The following CYRIB variants were observed in gnomAD, a reference collection of about 807,000 sequenced individuals.
The protein encoded by CYRIB is CYFIP related Rac1 interactor B.
A neutral mutation model predicts 44.2 loss-of-function variants in CYRIB; 8 were observed. The observed-to-expected ratio is 0.18, with a 90% CI of 0.11 to 0.33. CYRIB has a LOEUF of 0.33. Among genes scored for constraint, CYRIB ranks in the 10% least tolerant of loss-of-function variants. The pLI is 1.00. For synonymous variants in CYRIB, 131 were observed against 127.2 expected, an observed-to-expected ratio of 1.03 and a Z score of -0.20; for missense variants, 185 against 382.8, an observed-to-expected ratio of 0.48 and a Z score of 4.31.
intron 6 of CYRIB, among the ~76,000 whole-genome samples, chr8:129,854,828 C>CT (rs2045316568): frequency 6.6e-6 from 1 of 152,202 alleles, no homozygotes; most frequent in Admixed American, 6.5e-5. Context: ...CGTCTCATGA[C>CT]TAGGGTTACT....
intron 1 of CYRIB, among the ~76,000 whole-genome samples, chr8:129,929,792 T>C (rs900036524): frequency 2.0e-5 from 3 of 152,222 alleles, no homozygotes; most frequent in Non-Finnish European, 2.9e-5. Context: ...AGACTTTATG[T>C]GCAATGTAAC....
chr8:129,980,536 C>T (rs140592611), intron 1 of CYRIB, among the ~76,000 whole-genome samples: 2 of 151,972 alleles, frequency 1.3e-5, no homozygotes, highest in Non-Finnish European at 1.5e-5. Context: ...TGGTGGCTCA[C>T]GCCTGTAATC....
At chr8:129,960,967 A>G (rs1380735462) in intron 2 of CYRIB, among the ~76,000 whole-genome samples, 1 of 144,788 alleles carries the variant, frequency 6.9e-6, no homozygotes, top group Non-Finnish European at 1.5e-5. Context: ...AAAAAAAAAG[A>G]AAGAAAGAAA....
chr8:129,996,961 C>T (rs576476249), intron 1 of CYRIB, among the ~76,000 whole-genome samples: 33 of 151,482 alleles, frequency 2.2e-4, no homozygotes, highest in Admixed American at 3.3e-4. Context: ...AATATACCAG[C>T]GTGAACACAG....
At chr8:129,966,512 T>C (rs1203605802) in intron 2 of CYRIB, among the ~76,000 whole-genome samples, 2 of 152,126 alleles carry the variant, frequency 1.3e-5, no homozygotes, top group Admixed American at 6.5e-5. Context: ...TGTGATATCA[T>C]TAATGACATG....
At chr8:129,877,663 G>GTGTGTGTGTGT (rs3222125) in intron 3 of CYRIB, among the ~76,000 whole-genome samples, 1,940 of 130,308 alleles carry the variant, frequency 0.015, 30 homozygotes, top group African/African-American at 0.039. Context: ...AAAAAAAAAA[G>GTGTGTGTGTGT]GTGTGTGTGT....
chr8:129,911,339 G>A lies in CYRIB; in HGVS notation c.-49-7989C>T, dbSNP rs115153599. Among the ~76,000 whole-genome samples, 561 of 152,214 alleles carry A rather than the reference G, an allele frequency of 3.7e-3. 1 individual carries two copies. Among genetic ancestry groups the A allele is most frequent in the African/African-American group, 0.013 (539 of 41,526 alleles). ...AGGGTAAGGAATTGGGAAAAGGAGC[G>A]GAAGGGACAGAAATGAGGAAGGGAA... On this transcript the variant is annotated intron_variant, in intron 1 of 11. Coordinates refer to ENST00000519824, the Ensembl canonical transcript of CYRIB.
chr8:129,898,657 C>T (rs1346223634), intron 2 of CYRIB, among the ~76,000 whole-genome samples: 1 of 152,128 alleles, frequency 6.6e-6, no homozygotes, highest in African/African-American at 2.4e-5. Flanking sequence ...AAATCTATCT[C>T]CTCCAGGCTT....
intron 4 of CYRIB, among the ~76,000 whole-genome samples, chr8:129,866,595 C>T (rs1444805324): frequency 6.6e-6 from 1 of 152,016 alleles, no homozygotes; most frequent in Non-Finnish European, 1.5e-5. Flanking sequence ...ACAGTAACAA[C>T]AACAAAAAAG....
At chr8:129,978,661 A>G (rs2096067882) in intron 1 of CYRIB, among the ~76,000 whole-genome samples, 1 of 152,138 alleles carries the variant, frequency 6.6e-6, no homozygotes, top group Non-Finnish European at 1.5e-5. Context: ...AATGTGTGTT[A>G]TTATTATTAT....
At chr8:130,004,761 A>ATTTTTTT (rs775327457) in intron 1 of CYRIB, among the ~76,000 whole-genome samples, 3 of 123,882 alleles carry the variant, frequency 2.4e-5, no homozygotes, top group Non-Finnish European at 5.1e-5. Flanking sequence ...ATTGTCAGGA[A>ATTTTTTT]TTTTTTTTTT....
chr8:129,859,445 A>G (rs2048108268), intron 5 of CYRIB, among the ~76,000 whole-genome samples: 1 of 152,044 alleles, frequency 6.6e-6, no homozygotes, highest in South Asian at 2.1e-4. Context: ...GAGGTGGAGG[A>G]GCAGAGTCTT....
intron 1 of CYRIB, among the ~76,000 whole-genome samples, chr8:129,907,822 C>T (rs369128840): frequency 3.3e-5 from 5 of 151,886 alleles, no homozygotes; most frequent in East Asian, 1.9e-4. Flanking sequence ...GCCAACATGG[C>T]GAAACCCCAT....
At chr8:129,986,119 T>C (rs1176710528) in intron 1 of CYRIB, among the ~76,000 whole-genome samples, 1 of 152,172 alleles carries the variant, frequency 6.6e-6, no homozygotes, top group Non-Finnish European at 1.5e-5. Flanking sequence ...TGCCCGAGGT[T>C]AAATATTCTG....
intron 11 of CYRIB, among the ~76,000 whole-genome samples, chr8:129,845,207 C>T (rs2131070349): frequency 6.6e-6 from 1 of 152,304 alleles, no homozygotes; most frequent in African/African-American, 2.4e-5. Context: ...GTTAGGCATA[C>T]TACCTTCAAG....
At chr8:129,848,725 C>A (rs1302267609) in intron 10 of CYRIB, among the ~76,000 whole-genome samples, 2 of 151,280 alleles carry the variant, frequency 1.3e-5, no homozygotes, top group African/African-American at 4.9e-5. Context: ...TGTGCCACCA[C>A]ACCTGGCTAA....
chr8:130,008,510 G>A (rs2097154443), intron 1 of CYRIB: 1 of 154,234 alleles, frequency 6.5e-6, no homozygotes, highest in African/African-American at 2.4e-5. Flanking sequence ...TGTGTGGGGT[G>A]ACTGTGGGGC....
exon 6 of CYRIB, chr8:129,855,653 A>G: frequency 1.2e-6 from 2 of 1,614,112 alleles, no homozygotes; most frequent in Non-Finnish European, 1.7e-6. Context: ...GAATTTCTGC[A>G]AACTGTTTAG....
intron 1 of CYRIB, among the ~76,000 whole-genome samples, chr8:129,911,853 C>CCATCTA (rs1190917515): frequency 6.6e-6 from 1 of 152,146 alleles, no homozygotes; most frequent in Non-Finnish European, 1.5e-5. Flanking sequence ...TGATTACTGA[C>CCATCTA]CATCTACAAT....
Sources: gnomAD v4.1 joint callset for allele counts (sites outside exome capture counted in the v4.1 genomes callset) on GRCh38, gnomAD v4.1.1 for gene constraint, MANE v1.5 for transcripts, NCBI Gene and HGNC (gene_info 2026-07-23, HGNC 2026-07-21) for gene names.